Variants in REDIC1 observed in about 807,000 individuals in gnomAD.
REDIC1 encodes HEI10 Interacting Protein 1.
the REDIC1 span, among the ~76,000 whole-genome samples, chr12:39,847,432 G>A: frequency 6.6e-6 from 1 of 151,988 alleles, no homozygotes; most frequent in African/African-American, 2.4e-5. Flanking sequence ...GATTAATTCT[G>A]TCCAATGAGA....
chr12:39,711,387 G>A, the REDIC1 span, among the ~76,000 whole-genome samples: 1 of 136,902 alleles, frequency 7.3e-6, no homozygotes, highest in African/African-American at 2.8e-5. Context: ...ATATATGTAT[G>A]TGTGTACATA....
the REDIC1 span, chr12:39,692,191 A>G: frequency 4.7e-6 from 6 of 1,265,142 alleles, no homozygotes; most frequent in Non-Finnish European, 6.4e-6. Flanking sequence ...ATTTGAAGTG[A>G]TTTTTTAGAT....
At chr12:39,667,514 G>A in the REDIC1 span, among the ~76,000 whole-genome samples, 7 of 152,258 alleles carry the variant, frequency 4.6e-5, no homozygotes, top group South Asian at 2.1e-4. Flanking sequence ...GAATAAGTGC[G>A]GTGTCGTGCT....
At chr12:39,704,985 G>T in the REDIC1 span, among the ~76,000 whole-genome samples, 4 of 142,348 alleles carry the variant, frequency 2.8e-5, no homozygotes, top group African/African-American at 1.2e-4. Flanking sequence ...TGACGAGTTA[G>T]TGGGTGCAGT....
chr12:39,878,456 A>G, the REDIC1 span, among the ~76,000 whole-genome samples: 8 of 152,192 alleles, frequency 5.3e-5, no homozygotes, highest in African/African-American at 1.9e-4. Flanking sequence ...ACTTATTGGG[A>G]ACTGTAGCAA....
chr12:39,882,483 A>T, the REDIC1 span, among the ~76,000 whole-genome samples: 1 of 152,178 alleles, frequency 6.6e-6, no homozygotes, highest in Non-Finnish European at 1.5e-5. Context: ...ATTTACATCT[A>T]GCAGCTGAAA....
the REDIC1 span, among the ~76,000 whole-genome samples, chr12:39,741,156 C>T: frequency 6.6e-6 from 1 of 152,224 alleles, no homozygotes; most frequent in African/African-American, 2.4e-5. Flanking sequence ...AGAGAAAGCA[C>T]AGGTAGAAGA....
At chr12:39,711,674 T>A in the REDIC1 span, among the ~76,000 whole-genome samples, 6 of 135,226 alleles carry the variant, frequency 4.4e-5, no homozygotes, top group Non-Finnish European at 6.6e-5. Flanking sequence ...TACACATGTA[T>A]GTGTGTATGC....
At chr12:39,727,941 T>G in the REDIC1 span, among the ~76,000 whole-genome samples, 1 of 152,202 alleles carries the variant, frequency 6.6e-6, no homozygotes, top group African/African-American at 2.4e-5. Flanking sequence ...CACTCATGAT[T>G]TGACTCTCTG....
chr12:39,674,233 T>A, the REDIC1 span, among the ~76,000 whole-genome samples: 3 of 152,358 alleles, frequency 2.0e-5, no homozygotes, highest in South Asian at 6.2e-4. Context: ...TACCTGTCAC[T>A]TTGTAATTTT....
the REDIC1 span, among the ~76,000 whole-genome samples, chr12:39,851,285 C>G: frequency 2.6e-5 from 4 of 152,106 alleles, no homozygotes; most frequent in Non-Finnish European, 4.4e-5. Flanking sequence ...AAACGCTACT[C>G]AGTTCTTCTT....
chr12:39,670,377 G>A, the REDIC1 span, among the ~76,000 whole-genome samples: 939 of 152,198 alleles, frequency 6.2e-3, 8 homozygotes, highest in Non-Finnish European at 0.01. Flanking sequence ...TTTTAGTTCC[G>A]ATGGATTTTT....
At chr12:39,679,333 A>G in the REDIC1 span, among the ~76,000 whole-genome samples, 163 of 152,364 alleles carry the variant, frequency 1.1e-3, no homozygotes, top group South Asian at 0.025. Flanking sequence ...ATCAATGTAC[A>G]CAATGCAGTA....
the REDIC1 span, among the ~76,000 whole-genome samples, chr12:39,798,399 T>C: frequency 6.6e-6 from 1 of 152,190 alleles, no homozygotes; most frequent in African/African-American, 2.4e-5. Flanking sequence ...AGATGAGTAA[T>C]ATAGGGGCTT....
the REDIC1 span, among the ~76,000 whole-genome samples, chr12:39,704,154 A>G: frequency 6.6e-6 from 1 of 151,428 alleles, no homozygotes; most frequent in African/African-American, 2.4e-5. Flanking sequence ...AAATGGGAGA[A>G]AATTTTCGCA....
the REDIC1 span, among the ~76,000 whole-genome samples, chr12:39,671,366 G>A: frequency 2.6e-5 from 4 of 152,338 alleles, no homozygotes. Context: ...GGAGGCTATG[G>A]TGAGATTTTT....
At chr12:39,659,262 A>C in the REDIC1 span, among the ~76,000 whole-genome samples, 120,358 of 151,566 alleles carry the variant, frequency 0.79, 48,431 homozygotes, top group Non-Finnish European at 0.87. Context: ...ATTGATTTCT[A>C]TTCTTTGATT....
At chr12:39,837,582 A>T in the REDIC1 span, among the ~76,000 whole-genome samples, 1 of 147,104 alleles carries the variant, frequency 6.8e-6, no homozygotes, top group Non-Finnish European at 1.5e-5. Flanking sequence ...AATTTTCACA[A>T]CCTACTCATC....
At chr12:39,742,244 T>C in the REDIC1 span, among the ~76,000 whole-genome samples, 10 of 152,200 alleles carry the variant, frequency 6.6e-5, no homozygotes, top group Non-Finnish European at 1.5e-4. Flanking sequence ...TGATTTGTGC[T>C]AAGCAGGATG....
Sources: gnomAD v4.1 joint callset for allele counts (sites outside exome capture counted in the v4.1 genomes callset) on GRCh38, gnomAD v4.1.1 for gene constraint, MANE v1.5 for transcripts, NCBI Gene and HGNC (gene_info 2026-07-23, HGNC 2026-07-21) for gene names.